The following FBXW10 variants were observed in gnomAD, a reference collection of about 807,000 sequenced individuals.
The protein encoded by FBXW10 is F-box and WD repeat domain containing 10, also known as F-box/WD repeat-containing protein 10.
Under a neutral mutation model 113.1 loss-of-function variants are expected in FBXW10, and 68 were observed. That is an observed-to-expected ratio of 0.60 (90% CI 0.49 to 0.74). The LOEUF (loss-of-function observed/expected upper bound fraction) is 0.74. Among genes scored for constraint, FBXW10 ranks in the 30% least tolerant of loss-of-function variants. The pLI, the probability that FBXW10 is intolerant of heterozygous loss-of-function variation, is 0.00. For synonymous variants in FBXW10, 289 were observed against 481.6 expected, an observed-to-expected ratio of 0.60 and a Z score of 5.24; for missense variants, 753 against 1,284.5, an observed-to-expected ratio of 0.59 and a Z score of 6.32.
In FBXW10 at chr17:18,778,480, G is replaced by C. The variant is rs747191444; in HGVS notation, c.2341G>C (p.Asp781His). ...KSKSPRRDAD[D>H]VEKAQKQGQL... is the part of the protein sequence containing the mutation. ...TTTTCTTTTTTTTGAAAAAGCAGAT[G>C]ATGTGGAGAAAGCACAAAAACAAGG... The change falls in exon 14 of 14, where the codon GAT (aspartate) becomes CAT (histidine). Residue 781 changes from aspartate (D) to histidine (H), a missense_variant. Transcript: ENST00000395665. 1.9e-6 allele frequency: 3 copies of C among 1,612,788 alleles called. No individual in the cohort carries two copies. The highest frequency in any genetic ancestry group is 2.2e-5 in the South Asian group (2 of 90,604).
chr17:18,744,229 T>C lies in FBXW10; in HGVS notation c.-16T>C. 1 of 1,098,408 alleles carries C rather than the reference T, an allele frequency of 9.1e-7. No homozygotes were observed. The highest frequency in any genetic ancestry group is 2.3e-5 in the East Asian group (1 of 43,668). 68.0% of individuals were successfully genotyped at this position (1,098,408 alleles called of 1,614,324 possible). A position where few individuals can be genotyped will look rare whatever the true frequency, so the allele number is the denominator to read the frequency against. On this transcript the variant is annotated 5_prime_UTR_variant, in exon 1 of 14. Transcript: ENST00000395665. ...GCAAGTGCGCAGGGCTAAAATGGAC[T>C]GGTTATCTTAGGATCATGGAAAACC...
intron 11 of FBXW10, among the ~76,000 whole-genome samples, 161 bp downstream of exon 11, chr17:18,770,246 G>T (rs1190268134): frequency 1.3e-5 from 2 of 152,064 alleles, no homozygotes; most frequent in African/African-American, 4.8e-5. Flanking sequence ...CTTGTGGTGG[G>T]GACTAACAGG....
At position 18,775,121 on chromosome 17, in the gene FBXW10, T is replaced by A. The variant is rs1056858487; in HGVS notation, c.2279-15T>A. On this transcript the variant is annotated splice_polypyrimidine_tract_variant and intron_variant, in intron 12 of 13. Coordinates refer to ENST00000395665, the MANE Select transcript of FBXW10 (RefSeq NM_001267585.2). ...GTATATAATGACTACAGCTTCTTCC[T>A]CAATCTCAATTTAGCAGTGTTAATA... is the stretch of plus-strand genomic sequence containing the variant. 5 of 1,589,290 alleles carry A rather than the reference T, an allele frequency of 3.1e-6. No individual in the cohort carries two copies.
rs568936552 is a variant in FBXW10 at position 18,769,138 on chromosome 17, T to C, written c.1847+462T>C. 5.9e-5 allele frequency among the ~76,000 whole-genome samples: 9 copies of C among 151,950 alleles called. No individual in the cohort carries two copies. In the East Asian group the frequency reaches 1.6e-3, roughly 26 times the overall value. Reference sequence around the variant, plus strand: ...TTTTAGTAGAGATGGGGTTTCACGGTGTTAGCCAGGATGGTCTTAATCTCC... The same window carrying C: ...TTTTAGTAGAGATGGGGTTTCACGGCGTTAGCCAGGATGGTCTTAATCTCC... On this transcript the variant is annotated intron_variant, in intron 10 of 13. Transcript: ENST00000395665.
chr17:18,756,778 T>A (rs1199202766), intron 6 of FBXW10, among the ~76,000 whole-genome samples: 13 of 152,212 alleles, frequency 8.5e-5, no homozygotes, highest in Non-Finnish European at 1.9e-4. Flanking sequence ...CTTTCTGCCA[T>A]ATTTTGGGCC....
chr17:18,772,387 G>A (rs900575844), intron 11 of FBXW10, 25 bp from the exon 12 acceptor site: 2 of 1,605,096 alleles, frequency 1.2e-6, no homozygotes, highest in African/African-American at 1.3e-5. Flanking sequence ...TCCTTTTGTG[G>A]ACAACCCTGT....
chr17:18,761,782 C>G (rs2035390341), intron 7 of FBXW10, among the ~76,000 whole-genome samples: 1 of 152,122 alleles, frequency 6.6e-6, no homozygotes, highest in South Asian at 2.1e-4. Context: ...AATGCCTGTA[C>G]AGTTATAATT....
In FBXW10 at chr17:18,744,095, C is replaced by A. The variant is rs1006619135; in HGVS notation, c.-150C>A. On this transcript the variant is annotated 5_prime_UTR_variant, in exon 1 of 14. Coordinates refer to ENST00000395665, the MANE Select transcript of FBXW10 (RefSeq NM_001267585.2). ...TTACTGAGAGAGATAGGCTTTCCATCCATGGCAGCCATTTACTTTTGCTCT... is the reference window on the plus strand; with the variant it reads ...TTACTGAGAGAGATAGGCTTTCCATACATGGCAGCCATTTACTTTTGCTCT... 3 of 1,188,252 alleles carry A rather than the reference C, an allele frequency of 2.5e-6. No homozygotes were observed. The Admixed American group carries it at 7.9e-5, about 31-fold the overall frequency. 73.6% of individuals were successfully genotyped at this position (1,188,252 alleles called of 1,614,324 possible).
chr17:18,764,118 A>G (rs1296913397), intron 7 of FBXW10, among the ~76,000 whole-genome samples: 2 of 145,938 alleles, frequency 1.4e-5, no homozygotes, highest in East Asian at 2.0e-4. Flanking sequence ...CAAATGGCCT[A>G]TGGGGGTAGA....
chr17:18,744,490 A>G lies in FBXW10; in HGVS notation c.246A>G (p.Gly82=). Residue 82 remains glycine, a synonymous_variant, in exon 1 of 14, where the codon GGA becomes GGG. Transcript: ENST00000395665. ...YFQNILQTTQ[G]KDFIYNRSRI... Reference sequence around the variant, plus strand: ...AAAATATCCTTCAGACCACACAGGGAAAGGATTTCATCTATAACAGGTCCC... The same window carrying G: ...AAAATATCCTTCAGACCACACAGGGGAAGGATTTCATCTATAACAGGTCCC... The G allele has an allele frequency of 6.2e-7, 1 of 1,613,920 alleles. No individual in the cohort carries two copies. The highest frequency in any genetic ancestry group is 8.5e-7 in the Non-Finnish European group (1 of 1,179,862).
Position 18,751,441 on chromosome 17 carries a change from C to A in FBXW10, c.1122+388C>A, listed in dbSNP as rs528254231. ...GAGGCGGGGTTTCACCGTGTTAGCC[C>A]AGATGGTCTTGATCTCCTGACCTTG... On this transcript the variant is annotated intron_variant, in intron 5 of 13. Coordinates refer to ENST00000395665, the MANE Select transcript of FBXW10 (RefSeq NM_001267585.2). Among the ~76,000 whole-genome samples, 630 of 152,026 alleles carry A rather than the reference C, an allele frequency of 4.1e-3. 4 individuals carry two copies. The highest frequency in any genetic ancestry group is 0.014 in the African/African-American group (574 of 41,416).
intron 7 of FBXW10, among the ~76,000 whole-genome samples, chr17:18,763,556 T>C: frequency 6.6e-6 from 1 of 151,994 alleles, no homozygotes; most frequent in Non-Finnish European, 1.5e-5. Flanking sequence ...GTGATGGCCC[T>C]GGGAATGGAC....
intron 1 of FBXW10, among the ~76,000 whole-genome samples, chr17:18,747,374 A>C (rs2035058528): frequency 6.6e-6 from 1 of 152,208 alleles, no homozygotes; most frequent in Admixed American, 6.5e-5. Context: ...GAGCCTGGCC[A>C]ACATGGCGAA....
intron 5 of FBXW10, among the ~76,000 whole-genome samples, chr17:18,751,510 G>A (rs866337300): frequency 1.1e-4 from 17 of 152,248 alleles, no homozygotes; most frequent in Middle Eastern, 3.4e-3. Context: ...GATTACAGGC[G>A]TGAGCCACCG....
chr17:18,746,639 T>C (rs1317516692), intron 1 of FBXW10, among the ~76,000 whole-genome samples: 1 of 152,280 alleles, frequency 6.6e-6, no homozygotes, highest in East Asian at 1.9e-4. Flanking sequence ...TAAGTTAGAC[T>C]GGAGATCAAC....
intron 1 of FBXW10, 145 bp downstream of exon 1, chr17:18,744,894 T>C: frequency 6.8e-7 from 1 of 1,476,610 alleles, no homozygotes; most frequent in Admixed American, 2.6e-5. Flanking sequence ...AACTGACACC[T>C]TGTCCTGACA....
chr17:18,771,682 T>G (rs893210491), intron 11 of FBXW10, among the ~76,000 whole-genome samples: 2 of 152,172 alleles, frequency 1.3e-5, no homozygotes, highest in African/African-American at 2.4e-5. Flanking sequence ...ATAGTAATAT[T>G]GGGTTTGGAA....
intron 7 of FBXW10, among the ~76,000 whole-genome samples, chr17:18,760,831 G>C (rs948638616): frequency 6.6e-6 from 1 of 150,590 alleles, no homozygotes; most frequent in African/African-American, 2.4e-5. Context: ...CAGTTTATCA[G>C]GGTTTTTTTT....
intron 11 of FBXW10, among the ~76,000 whole-genome samples, chr17:18,771,056 G>A (rs2035601642): frequency 6.6e-6 from 1 of 151,492 alleles, no homozygotes; most frequent in African/African-American, 2.4e-5. Flanking sequence ...CTTAAAGAGG[G>A]CAGCCTGGTA....
Sources: gnomAD v4.1 joint callset for allele counts (sites outside exome capture counted in the v4.1 genomes callset) on GRCh38, gnomAD v4.1.1 for gene constraint, MANE v1.5 for transcripts, NCBI Gene and HGNC (gene_info 2026-07-23, HGNC 2026-07-21) for gene names.